UBASH3A: variants seen among roughly 807,000 people sequenced by gnomAD.
UBASH3A encodes ubiquitin associated and SH3 domain containing A, also known as ubiquitin-associated and SH3 domain-containing protein A.
Under a neutral mutation model 73.5 loss-of-function variants are expected in UBASH3A, and 63 were observed. The observed-to-expected ratio is 0.86, with a 90% CI of 0.70 to 1.06. UBASH3A has a LOEUF of 1.06. UBASH3A is among the 50% of genes least tolerant of loss of function. The pLI is 0.00. For synonymous variants in UBASH3A, 363 were observed against 351.1 expected (o/e 1.03, Z -0.38); for missense variants, 860 against 859.0 (o/e 1.00, Z -0.02).
chr21:42,428,140 C>A (rs1435976239), intron 8 of UBASH3A, among the ~76,000 whole-genome samples: 1 of 152,130 alleles, frequency 6.6e-6, no homozygotes, highest in African/African-American at 2.4e-5. Context: ...CAGAGAGAGG[C>A]CTCAAAAGGA....
chr21:42,443,820 G>A (rs761030049), intron 13 of UBASH3A, among the ~76,000 whole-genome samples: 2 of 152,056 alleles, frequency 1.3e-5, no homozygotes, highest in African/African-American at 4.8e-5. Flanking sequence ...CTCCCCTGCC[G>A]CCCAGGCCCT....
At chr21:42,431,304 G>A (rs1386077152) in intron 8 of UBASH3A, among the ~76,000 whole-genome samples, 9 of 152,198 alleles carry the variant, frequency 5.9e-5, no homozygotes, top group Non-Finnish European at 1.3e-4. Context: ...GCTGCCCCAA[G>A]CATGACCTTT....
intron 2 of UBASH3A, among the ~76,000 whole-genome samples, chr21:42,409,026 AT>A (rs1466771746): frequency 6.6e-6 from 1 of 152,234 alleles, no homozygotes; most frequent in African/African-American, 2.4e-5. Flanking sequence ...TTTATATGTA[AT>A]TTGAAGTTTG....
intron 7 of UBASH3A, among the ~76,000 whole-genome samples, chr21:42,426,294 A>G (rs1330505131): frequency 6.6e-6 from 1 of 152,230 alleles, no homozygotes; most frequent in African/African-American, 2.4e-5. Flanking sequence ...CAGCTATTTA[A>G]AAAGATTGAG....
chr21:42,444,709 A>T (rs2053817290), intron 14 of UBASH3A, 66 bp downstream of exon 14: 3 of 1,209,710 alleles, frequency 2.5e-6, no homozygotes, highest in Non-Finnish European at 3.7e-6. Flanking sequence ...GGTTTATCTC[A>T]TCCACTTCTC....
At chr21:42,439,547 G>A (rs2053691654) in intron 11 of UBASH3A, among the ~76,000 whole-genome samples, 1 of 152,130 alleles carries the variant, frequency 6.6e-6, no homozygotes, top group Non-Finnish European at 1.5e-5. Flanking sequence ...AGGCCTGACG[G>A]CAGTGTAGCC....
chr21:42,409,272 T>G, intron 2 of UBASH3A, 150 bp from the exon 3 acceptor site: 132 of 766,508 alleles, frequency 1.7e-4, no homozygotes, highest in Non-Finnish European at 2.4e-4. Context: ...AGGATGGCTG[T>G]GAGATTAATT....
Position 42,413,457 on chromosome 21 carries a change from G to A in UBASH3A, c.601G>A (p.Gly201Ser). 6.2e-7 allele frequency: 1 copy of A among 1,614,150 alleles called. No individual in the cohort carries two copies. Among genetic ancestry groups the A allele is most frequent in the Non-Finnish European group, 8.5e-7 (1 of 1,180,020 alleles). ...GATTTTCAGCCAGGTGCCTGGACAT[G>A]GCCCTAACCTGAGGCTGAGCAATTT... ...FWIFSQVPGHGPNLRLSNLTR... is the reference protein window; with the variant it reads ...FWIFSQVPGHSPNLRLSNLTR... The change falls in exon 5 of 15, where the codon GGC becomes AGC. Residue 201 changes from glycine to serine, a missense_variant. By Grantham distance (56) the Gly-to-Ser change is moderately conservative (BLOSUM62 0). Transcript: ENST00000319294. This position sits in a 1 kb window ranked among gnomAD's most constrained non-coding sequence, Gnocchi z 4.5.
chr21:42,443,840 C>G (rs945253539), intron 13 of UBASH3A, among the ~76,000 whole-genome samples: 1 of 152,092 alleles, frequency 6.6e-6, no homozygotes, highest in South Asian at 2.1e-4. Context: ...TGGAACCCCC[C>G]ATCCTGGGAC....
At chr21:42,444,220 C>T (rs551158563) in intron 13 of UBASH3A, among the ~76,000 whole-genome samples, 117 of 152,322 alleles carry the variant, frequency 7.7e-4, no homozygotes, top group African/African-American at 2.5e-3. Context: ...CTGGCTTGGG[C>T]GTCAGCCACC....
Position 42,444,565 on chromosome 21 carries a change from C to T in UBASH3A, c.1770C>T (p.Ser590=), listed in dbSNP as rs1012002350. 6.2e-7 allele frequency: 1 copy of T among 1,613,972 alleles called. No homozygotes were observed. The highest frequency in any genetic ancestry group is 8.5e-7 in the Non-Finnish European group (1 of 1,180,032). The change falls in exon 14 of 15, where the codon TCC becomes TCT. Residue 590 remains serine (S), a synonymous_variant. Transcript: ENST00000319294. ...TCATCCTAATTGTGAGTCACGGCTCCACTCTGGACTCCTGCACGCGGCCAC... is the reference window on the plus strand; with the variant it reads ...TCATCCTAATTGTGAGTCACGGCTCTACTCTGGACTCCTGCACGCGGCCAC... ...TGVILIVSHG[S]TLDSCTRPLL...
intron 14 of UBASH3A, among the ~76,000 whole-genome samples, chr21:42,444,962 A>G (rs1385599476): frequency 1.3e-5 from 2 of 152,130 alleles, no homozygotes; most frequent in African/African-American, 2.4e-5. Context: ...TGAGGAGGGA[A>G]GAAACGACTG....
intron 7 of UBASH3A, among the ~76,000 whole-genome samples, chr21:42,420,366 T>G (rs1234744425): frequency 1.3e-5 from 2 of 152,234 alleles, no homozygotes; most frequent in East Asian, 3.8e-4. Context: ...TTGTATTTTT[T>G]AAATTGTATT....
chr21:42,422,853 C>A (rs1286078290), intron 7 of UBASH3A, among the ~76,000 whole-genome samples: 4 of 151,960 alleles, frequency 2.6e-5, no homozygotes, highest in African/African-American at 9.7e-5. Flanking sequence ...CATGTGTATG[C>A]CTAAAGGTTC....
At chr21:42,416,403 C>A in intron 5 of UBASH3A, 39 bp from the exon 6 acceptor site, 1 of 1,512,592 alleles carries the variant, frequency 6.6e-7, no homozygotes, top group Non-Finnish European at 8.8e-7. Flanking sequence ...ATTTAGGTAA[C>A]GGTGTCCTGG....
At position 42,437,371 on chromosome 21, in the gene UBASH3A, G is replaced by A; in HGVS notation, c.1394-117G>A. The A allele has an allele frequency of 4.9e-6, 4 of 812,948 alleles. No homozygotes were observed. In the South Asian group the frequency reaches 6.3e-5, roughly 13 times the overall value. 50.4% of individuals were successfully genotyped at this position (812,948 alleles called of 1,614,324 possible). A position where few individuals can be genotyped will look rare whatever the true frequency, so the allele number is the denominator to read the frequency against. On this transcript the variant is annotated intron_variant, in intron 10 of 14. Coordinates refer to ENST00000319294, the MANE Select transcript of UBASH3A (RefSeq NM_018961.4). ...GCTGTGCAGGGTGTGTCACACCAGGGGGTGGAAACCCGGGGCCCTTTGAGG... is the reference window on the plus strand; with the variant it reads ...GCTGTGCAGGGTGTGTCACACCAGGAGGTGGAAACCCGGGGCCCTTTGAGG...
In UBASH3A at chr21:42,413,004, CTCTG is replaced by C; in HGVS notation, c.355-16_355-13del. 1 of 1,603,338 alleles carries C rather than the reference CTCTG, an allele frequency of 6.2e-7. No homozygotes were observed. The highest frequency in any genetic ancestry group is 1.1e-5 in the South Asian group (1 of 90,846). On this transcript the variant is annotated splice_polypyrimidine_tract_variant and intron_variant, in intron 3 of 14. Transcript: ENST00000319294. This position sits in a 1 kb window ranked among gnomAD's most constrained non-coding sequence, Gnocchi z 4.5. Reference sequence around the variant, plus strand: ...CTGATGAGAGGTGTGGAAACACAGGCTCTGTCTCTGTCCCCTTAGTGTGAAGACC... The same window carrying C: ...CTGATGAGAGGTGTGGAAACACAGGCTCTCTGTCCCCTTAGTGTGAAGACC...
At chr21:42,437,317 C>G (rs996652662) in intron 10 of UBASH3A, among the ~76,000 whole-genome samples, 171 bp from the exon 11 acceptor site, 6 of 152,370 alleles carry the variant, frequency 3.9e-5, no homozygotes, top group African/African-American at 1.4e-4. Context: ...ACAGATCATT[C>G]TGGTCATGGG....
intron 10 of UBASH3A, among the ~76,000 whole-genome samples, chr21:42,436,092 T>G (rs1338946373): frequency 6.6e-6 from 1 of 151,930 alleles, no homozygotes; most frequent in Non-Finnish European, 1.5e-5. Context: ...GTTAGAGTCA[T>G]AGAGTTATAG....
Sources: gnomAD v4.1 joint callset for allele counts (sites outside exome capture counted in the v4.1 genomes callset) on GRCh38, gnomAD v4.1.1 for gene constraint, Gnocchi (gnomAD v3.1) non-coding constraint, MANE v1.5 for transcripts, NCBI Gene and HGNC (gene_info 2026-07-23, HGNC 2026-07-21) for gene names.